ASIC2: variants seen among roughly 807,000 people sequenced by gnomAD.
The protein encoded by ASIC2 is acid-sensing ion channel 2.
A neutral mutation model predicts 57.3 loss-of-function variants in ASIC2; 25 were observed. The observed-to-expected ratio is 0.44, with a 90% CI of 0.32 to 0.61. The LOEUF is 0.61. Among genes scored for constraint, ASIC2 ranks in the 20% least tolerant of loss-of-function variants. The probability of loss-of-function intolerance (pLI) is 0.06; values close to 1 mark genes in which losing one functional copy is unlikely to be tolerated. For missense variants in ASIC2, 641 were observed against 738.1 expected (o/e 0.87, Z 1.52); for synonymous variants, 319 against 307.5 (o/e 1.04, Z -0.39).
chr17:33,801,490 A>G (rs907217153), intron 1 of ASIC2, among the ~76,000 whole-genome samples: 1 of 151,992 alleles, frequency 6.6e-6, no homozygotes, highest in East Asian at 1.9e-4. Context: ...GGAGTCAGGG[A>G]GGTATGGATT....
In ASIC2 at chr17:33,634,505, CT is replaced by C. The variant is rs1384331087; in HGVS notation, c.555+521472del. ...TACTGGATATTCAGAGAGAGAAAAA[CT>C]TTTTTTTCTTTTTTTTTTTTTTTTT... On this transcript the variant is annotated intron_variant, in intron 1 of 9. Coordinates refer to the ASIC2 transcript ENST00000359872. Among the ~76,000 whole-genome samples the C allele has an allele frequency of 6.4e-3, 907 of 141,574 alleles. 14 individuals are homozygous for C. Among genetic ancestry groups the C allele is most frequent in the African/African-American group, 0.022 (823 of 37,202 alleles). 92.9% of individuals were successfully genotyped at this position (141,574 alleles called of 152,430 possible).
intron 1 of ASIC2, among the ~76,000 whole-genome samples, chr17:34,077,795 G>C (rs1909726341): frequency 6.6e-6 from 1 of 152,146 alleles, no homozygotes; most frequent in African/African-American, 2.4e-5. Flanking sequence ...TGCCCAGAGA[G>C]AGTGCGTCCC....
chr17:34,090,802 G>A (rs908915972), intron 1 of ASIC2, among the ~76,000 whole-genome samples: 3 of 152,186 alleles, frequency 2.0e-5, no homozygotes, highest in African/African-American at 7.2e-5. Context: ...CTCCAAATAG[G>A]AGGGGTCTTG....
At chr17:33,269,688 T>TCCC (rs1567805306) in intron 1 of ASIC2, among the ~76,000 whole-genome samples, 74 of 65,296 alleles carry the variant, frequency 1.1e-3, no homozygotes, top group Admixed American at 2.2e-3. Flanking sequence ...CCCTCCCTCC[T>TCCC]GCCTGCCTGC....
chr17:33,350,946 T>C (rs1290353969), intron 1 of ASIC2, among the ~76,000 whole-genome samples: 2 of 152,212 alleles, frequency 1.3e-5, no homozygotes, highest in Non-Finnish European at 2.9e-5. Context: ...TCTAACATTT[T>C]GGGATTCCAC....
intron 1 of ASIC2, among the ~76,000 whole-genome samples, chr17:34,123,661 G>A (rs976882786): frequency 6.6e-6 from 1 of 152,230 alleles, no homozygotes; most frequent in Non-Finnish European, 1.5e-5. Context: ...GAGTGGTCTT[G>A]CAAGTCTCAG....
intron 1 of ASIC2, among the ~76,000 whole-genome samples, chr17:33,700,510 G>C (rs1157001673): frequency 6.6e-6 from 1 of 152,152 alleles, no homozygotes; most frequent in African/African-American, 2.4e-5. Flanking sequence ...AGCATCCATG[G>C]AAAGACAAGA....
At chr17:33,663,796 C>T (rs1907379381) in intron 1 of ASIC2, among the ~76,000 whole-genome samples, 1 of 152,084 alleles carries the variant, frequency 6.6e-6, no homozygotes, top group African/African-American at 2.4e-5. Flanking sequence ...TGGATCTGTG[C>T]CCTTCCCTGC....
intron 1 of ASIC2, among the ~76,000 whole-genome samples, chr17:33,173,370 C>A (rs1905605190): frequency 6.6e-6 from 1 of 152,094 alleles, no homozygotes; most frequent in Non-Finnish European, 1.5e-5. Flanking sequence ...CACCACAGAC[C>A]CCAGGTACCT....
intron 1 of ASIC2, among the ~76,000 whole-genome samples, chr17:33,942,459 A>G (rs1267342763): frequency 1.3e-5 from 2 of 152,174 alleles, no homozygotes; most frequent in East Asian, 1.9e-4. Flanking sequence ...ACAACAGCCA[A>G]TGGAAGAGCC....
intron 3 of ASIC2, among the ~76,000 whole-genome samples, chr17:33,042,864 C>T (rs886274): frequency 0.92 from 139,450 of 152,308 alleles, 63,904 homozygotes; most frequent in African/African-American, 0.96. Flanking sequence ...ATATGGGAAA[C>T]ATTGCATAGA....
At chr17:33,441,626 T>G (rs1911825813) in intron 1 of ASIC2, among the ~76,000 whole-genome samples, 1 of 152,198 alleles carries the variant, frequency 6.6e-6, no homozygotes, top group African/African-American at 2.4e-5. Context: ...CCTTCTCCCA[T>G]GAAGCAGGTC....
chr17:33,794,042 A>T (rs1226121847), intron 1 of ASIC2: 2 of 152,204 alleles, frequency 1.3e-5, no homozygotes, highest in African/African-American at 2.4e-5. Context: ...TTTCTGGCTG[A>T]GGAAAATTAG....
intron 1 of ASIC2, among the ~76,000 whole-genome samples, chr17:33,691,002 G>A (rs1470426185): frequency 6.6e-6 from 1 of 151,928 alleles, no homozygotes; most frequent in African/African-American, 2.4e-5. Context: ...GCCCATCTCG[G>A]CCTCCCAAAG....
intron 1 of ASIC2, among the ~76,000 whole-genome samples, chr17:33,561,039 C>G (rs753903554): frequency 1.3e-5 from 2 of 152,058 alleles, no homozygotes; most frequent in Middle Eastern, 3.2e-3. Context: ...AGAGGTCAAG[C>G]CTTTCTGTTT....
At chr17:33,294,828 C>T (rs1158361013), upstream of ASIC2, among the ~76,000 whole-genome samples, 2 of 152,146 alleles carry the variant, frequency 1.3e-5, no homozygotes, top group Non-Finnish European at 2.9e-5. Flanking sequence ...TGACAGTTTG[C>T]TTTGGGTTTG....
chr17:33,204,979 C>A (rs1907008355), intron 1 of ASIC2, among the ~76,000 whole-genome samples: 1 of 152,238 alleles, frequency 6.6e-6, no homozygotes, highest in African/African-American at 2.4e-5. Context: ...ATGGACTATT[C>A]AGTTACATGA....
intron 1 of ASIC2, among the ~76,000 whole-genome samples, chr17:33,699,335 G>T (rs1437806000): frequency 6.6e-6 from 1 of 152,140 alleles, no homozygotes; most frequent in Non-Finnish European, 1.5e-5. Context: ...CACACATGGG[G>T]TGCCTGCTGA....
At chr17:33,849,618 C>G (rs1195991124) in intron 1 of ASIC2, among the ~76,000 whole-genome samples, 1 of 152,160 alleles carries the variant, frequency 6.6e-6, no homozygotes, top group Admixed American at 6.5e-5. Flanking sequence ...AGGGAGGAAG[C>G]CTTCCCCTTG....
Sources: allele counts gnomAD v4.1 joint callset (sites outside exome capture counted in the v4.1 genomes callset), GRCh38; gene constraint gnomAD v4.1.1; transcripts MANE v1.5; gene names NCBI Gene and HGNC (gene_info 2026-07-23, HGNC 2026-07-21).